Variants in FAAP20 observed in about 807,000 individuals in gnomAD.
FAAP20 encodes the protein Fanconi anemia core complex-associated protein 20.
A neutral mutation model predicts 16.2 loss-of-function variants in FAAP20; 12 were observed. The observed-to-expected ratio is 0.74, with a 90% CI of 0.48 to 1.20. FAAP20 has a LOEUF of 1.20. FAAP20 is among the 50% of genes most tolerant of loss of function. FAAP20 has a pLI of 0.00. For synonymous variants in FAAP20, 141 were observed against 110.7 expected (o/e 1.27, Z -1.72); for missense variants, 288 against 245.8 (o/e 1.17, Z -1.15).
downstream of FAAP20, among the ~76,000 whole-genome samples, chr1:2,208,339 C>T (rs1557795889): frequency 6.6e-6 from 1 of 152,188 alleles, no homozygotes; most frequent in Non-Finnish European, 1.5e-5. Flanking sequence ...TTCCTCTCAA[C>T]TTTACCCTGT....
chr1:2,206,523 G>T (rs1689264599), exon 2 of FAAP20: 1 of 152,286 alleles, frequency 6.6e-6, no homozygotes, highest in African/African-American at 2.4e-5. Flanking sequence ...ACCGTGGGGT[G>T]GGTGTGATTC....
intron 2 of FAAP20, 30 bp from the exon 3 acceptor site, chr1:2,193,940 A>C: frequency 6.2e-7 from 1 of 1,612,238 alleles, no homozygotes; most frequent in Non-Finnish European, 8.5e-7. Flanking sequence ...GGCCTTGCCC[A>C]GCGATGGCTC....
At chr1:2,190,064 G>A (rs1373026458) in intron 3 of FAAP20, 7 of 585,362 alleles carry the variant, frequency 1.2e-5, no homozygotes, top group Non-Finnish European at 1.9e-5. Flanking sequence ...GGATTCTGGC[G>A]CCTGCTCAGC....
chr1:2,194,703 G>A lies in FAAP20; in HGVS notation c.47C>T (p.Pro16Leu), dbSNP rs1438985575. 1 of 1,170,246 alleles carries A rather than the reference G, an allele frequency of 8.5e-7. No homozygotes were observed. The highest frequency in any genetic ancestry group is 1.1e-6 in the Non-Finnish European group (1 of 950,596). 72.5% of individuals were successfully genotyped at this position (1,170,246 alleles called of 1,614,324 possible). A position where few individuals can be genotyped will look rare whatever the true frequency, so the allele number is the denominator to read the frequency against. Residue 16 changes from proline (P) to leucine (L), a missense_variant, in exon 1 of 4, where the codon CCG (proline) becomes CTG (leucine). Coordinates refer to ENST00000378546, the MANE Select transcript of FAAP20 (RefSeq NM_182533.4). ...CCGGCCTCACCCGCCCGCCGGGCGC[G>A]GCCTCCGGCGGCTCAACCCCAGCCG... ...RPRLGLSRRR[P>L]RPAGGPSGGR...
At chr1:2,193,383 G>T (rs1259939632) in intron 3 of FAAP20, 6 of 588,104 alleles carry the variant, frequency 1.0e-5, no homozygotes, top group Non-Finnish European at 1.7e-5. Context: ...CGGGGCCAGT[G>T]CTCCCAGCCT....
At chr1:2,185,922 A>G (rs1392497652), downstream of FAAP20, 2 of 336,512 alleles carry the variant, frequency 5.9e-6, no homozygotes, top group South Asian at 2.4e-5. Context: ...TGACCCTACA[A>G]ACACCCAGAA....
upstream of FAAP20, chr1:2,200,731 T>G: frequency 1.0e-6 from 1 of 989,996 alleles, no homozygotes. Context: ...TGAGCCCAGC[T>G]GGGTGCGGGG....
downstream of FAAP20, chr1:2,185,897 T>TA (rs1444714204): frequency 8.6e-6 from 3 of 349,368 alleles, no homozygotes. Context: ...ACCCCAGCCT[T>TA]AAAGTTGAAC....
chr1:2,207,895 G>A (rs1234625048), downstream of FAAP20, among the ~76,000 whole-genome samples: 6 of 150,602 alleles, frequency 4.0e-5, no homozygotes, highest in African/African-American at 9.8e-5. Context: ...AGGCGGGGCC[G>A]TTTTGGTAAC....
chr1:2,209,339 C>G (rs535091913), downstream of FAAP20, among the ~76,000 whole-genome samples: 1 of 152,362 alleles, frequency 6.6e-6, no homozygotes, highest in African/African-American at 2.4e-5. Flanking sequence ...TTACCCTCGT[C>G]TATTCCTTTT....
chr1:2,204,804 C>T (rs1689175206), upstream of FAAP20, among the ~76,000 whole-genome samples: 1 of 152,130 alleles, frequency 6.6e-6, no homozygotes, highest in Admixed American at 6.5e-5. Flanking sequence ...CTCCCGCCGC[C>T]GGCTCACCCC....
chr1:2,184,857 C>T, downstream of FAAP20: 1 of 1,472,224 alleles, frequency 6.8e-7, no homozygotes. Flanking sequence ...GCGAACGTGA[C>T]TCCGCTTCCC....
downstream of FAAP20, chr1:2,186,202 A>G (rs1290843573): frequency 2.7e-6 from 1 of 369,770 alleles, no homozygotes; most frequent in Non-Finnish European, 5.6e-6. Flanking sequence ...CAGAGACCCC[A>G]GGCCTCCATG....
chr1:2,188,991 C>A (rs1265156668), downstream of FAAP20, among the ~76,000 whole-genome samples: 5 of 134,590 alleles, frequency 3.7e-5, no homozygotes, highest in Admixed American at 1.6e-4. Flanking sequence ...GGCGACAGAG[C>A]GAGACTCCGT....
upstream of FAAP20, chr1:2,199,250 G>A: frequency 8.8e-6 from 10 of 1,140,942 alleles, no homozygotes; most frequent in Middle Eastern, 4.1e-4. This position sits in a 1 kb window ranked among gnomAD's most constrained non-coding sequence, Gnocchi z 4.5. Flanking sequence ...CCTTCAAGCA[G>A]TATCCGGTTC....
downstream of FAAP20, among the ~76,000 whole-genome samples, chr1:2,186,589 A>T (rs1687632671): frequency 6.6e-6 from 1 of 151,404 alleles, no homozygotes; most frequent in African/African-American, 2.4e-5. Flanking sequence ...AACTCCAAAG[A>T]CGGAAAGTTA....
chr1:2,211,313 T>C (rs1482378602), downstream of FAAP20, among the ~76,000 whole-genome samples: 4 of 126,598 alleles, frequency 3.2e-5, no homozygotes, highest in African/African-American at 1.2e-4. Flanking sequence ...CACTGCAACC[T>C]CCGCCGCTCA....
At chr1:2,208,764 C>A (rs906274222), downstream of FAAP20, among the ~76,000 whole-genome samples, 5 of 152,210 alleles carry the variant, frequency 3.3e-5, no homozygotes, top group Non-Finnish European at 4.4e-5. Context: ...GGGTTTGGGC[C>A]GGGCCAGGCG....
chr1:2,194,062 C>G lies in FAAP20; in HGVS notation c.134G>C (p.Arg45Pro). Residue 45 changes from arginine (R) to proline (P), a missense_variant, in exon 2 of 4, where the codon CGC (arginine) becomes CCC (proline). Arg to Pro is a moderately radical substitution (Grantham distance 103). Transcript: ENST00000378546. Reference sequence around the variant, plus strand: ...CAGGATCAGCTCCGGGCTCACCGTGCGCAGTAGCTCGGCCCAGAGCCGCTC... The same window carrying G: ...CAGGATCAGCTCCGGGCTCACCGTGGGCAGTAGCTCGGCCCAGAGCCGCTC... Reference protein sequence around the residue: ...ERERLWAELLRTVSPELILDH... With the variant: ...ERERLWAELLPTVSPELILDH... The G allele has an allele frequency of 6.2e-7, 1 of 1,612,652 alleles. No individual in the cohort carries two copies. Among genetic ancestry groups the G allele is most frequent in the South Asian group, 1.1e-5 (1 of 91,076 alleles).
Sources: gnomAD v4.1 joint callset for allele counts (sites outside exome capture counted in the v4.1 genomes callset) on GRCh38, gnomAD v4.1.1 for gene constraint, Gnocchi (gnomAD v3.1) non-coding constraint, MANE v1.5 for transcripts, NCBI Gene and HGNC (gene_info 2026-07-23, HGNC 2026-07-21) for gene names.